Variants in CDAN1 observed in about 807,000 individuals in gnomAD.
The protein encoded by CDAN1 is codanin 1.
Under a neutral mutation model 139.8 loss-of-function variants are expected in CDAN1, and 107 were observed. The observed-to-expected ratio is 0.77, with a 90% confidence interval of 0.65 to 0.90. CDAN1 has a LOEUF of 0.90. Ranked by LOEUF, CDAN1 falls within the 40% of genes least tolerant of loss-of-function variation. CDAN1 has a pLI of 0.00. For synonymous variants in CDAN1, 776 were observed against 660.6 expected, an observed-to-expected ratio of 1.17 and a Z score of -2.68; for missense variants, 1,667 against 1,575.7, an observed-to-expected ratio of 1.06 and a Z score of -0.98.
chr15:42,734,927 A>G (rs375637087), intron 6 of CDAN1, among the ~76,000 whole-genome samples, 173 bp downstream of exon 6: 7 of 151,976 alleles, frequency 4.6e-5, no homozygotes, highest in East Asian at 3.9e-4. Flanking sequence ...CCCGATCTCA[A>G]TTCTTTCAGG....
rs1274180442 is a variant in CDAN1, at chr15:42,729,079, G to A, written c.2589C>T (p.Arg863=). Residue 863 remains arginine, a synonymous_variant, in exon 19 of 28, where the codon CGC becomes CGT. Coordinates refer to ENST00000356231, the MANE Select transcript of CDAN1 (RefSeq NM_138477.4). ...AFFHNQPPSL[R]RTVEFVAERI... ...TTTCTGCCACGAACTCTACGGTCCG[G>A]CGCAAGGAGGGCGGCTGGTTGTGGA... is the stretch of plus-strand genomic sequence containing the variant. 2 of 1,614,222 alleles carry A rather than the reference G, an allele frequency of 1.2e-6. No individual in the cohort carries two copies. Among genetic ancestry groups the A allele is most frequent in the East Asian group, 2.2e-5 (1 of 44,876 alleles).
At chr15:42,734,657 G>A (rs952474623) in intron 6 of CDAN1, among the ~76,000 whole-genome samples, 2 of 151,968 alleles carry the variant, frequency 1.3e-5, no homozygotes, top group Non-Finnish European at 2.9e-5. Flanking sequence ...AGGCTGGGCT[G>A]GGCGTCACCC....
At position 42,736,040 on chromosome 15, in the gene CDAN1, C is replaced by T. The variant is rs909865960; in HGVS notation, c.608G>A (p.Ser203Asn). 2 of 1,614,170 alleles carry T rather than the reference C, an allele frequency of 1.2e-6. No individual in the cohort carries two copies. The highest frequency in any genetic ancestry group is 3.3e-4 in the Middle Eastern group (2 of 6,062). Residue 203 changes from serine to asparagine, a missense_variant, in exon 3 of 28, where the codon AGC (serine) becomes AAC (asparagine). Around this residue, in one of 3 missense-constraint regions of CDAN1, gnomAD observed 487 missense variants for 422.2 expected, o/e 1.15. Coordinates refer to ENST00000356231, the MANE Select transcript of CDAN1 (RefSeq NM_138477.4). The stretch of plus-strand genomic sequence containing the variant: ...GGGCTTGGAGAGTGACCGCTCTTCG[C>T]TCACCGGAGTTGGGTTGATCCTGCG... The part of the protein sequence containing the change: ...PSRRINPTPV[S>N]EERSLSKPKT...
rs1436440080 is a variant in CDAN1 at position 42,732,416 on chromosome 15, A to T, written c.1458-8T>A. The T allele has an allele frequency of 5.6e-6, 9 of 1,613,116 alleles. No homozygotes were observed. The East Asian group carries it at 2.0e-4, about 36-fold the overall frequency. On this transcript the variant is annotated splice_polypyrimidine_tract_variant and splice_region_variant and intron_variant, in intron 9 of 27. Coordinates refer to ENST00000356231, the MANE Select transcript of CDAN1 (RefSeq NM_138477.4). Reference sequence around the variant, plus strand: ...AGCTGACCCATCATGGCCCTGAGGAATAGAAGGCAGGAATGAAGGGTGTGG... The same window carrying T: ...AGCTGACCCATCATGGCCCTGAGGATTAGAAGGCAGGAATGAAGGGTGTGG...
chr15:42,725,259 AC>A lies in CDAN1; in HGVS notation c.3451-9del. The A allele has an allele frequency of 6.2e-7, 1 of 1,613,290 alleles. No homozygotes were observed. The highest frequency in any genetic ancestry group is 8.5e-7 in the Non-Finnish European group (1 of 1,179,218). On this transcript the variant is annotated splice_polypyrimidine_tract_variant and intron_variant, in intron 26 of 27. Coordinates refer to ENST00000356231, the MANE Select transcript of CDAN1 (RefSeq NM_138477.4). ...GAATAGCAGCAAGTCCCACTGCAAA[AC>A]ACACCGAGGTCAGGGTTGCTAGGAG...
At position 42,733,672 on chromosome 15, in the gene CDAN1, A is replaced by C. The variant is rs78269839; in HGVS notation, c.1367+266T>G. On this transcript the variant is annotated intron_variant, in intron 8 of 27. Transcript: ENST00000356231. ...ACAGGCTTCATGTACTTCTGTGGGC[A>C]GTGACAGTTCATCCTGGCACACTCT... Among the ~76,000 whole-genome samples, 1,517 of 152,216 alleles carry C rather than the reference A, an allele frequency of 1.0e-2. 23 individuals carry two copies. Among genetic ancestry groups the C allele is most frequent in the African/African-American group, 0.035 (1,443 of 41,470 alleles).
In CDAN1 at chr15:42,731,682, G is replaced by GCAGGGCC; in HGVS notation, c.1670_1676dup (p.Cys559TrpfsTer16). On this transcript the variant is annotated frameshift_variant, in exon 11 of 28. Transcript: ENST00000356231. LOFTEE classifies it high-confidence loss of function. ...GACAGCCTGGGAAGGTGGGGGGTGG[G>GCAGGGCC]CAGGGCCCCCCACTGCTCTGAGGAG... The GCAGGGCC allele has an allele frequency of 6.2e-7, 1 of 1,614,066 alleles. No individual in the cohort carries two copies. The highest frequency in any genetic ancestry group is 1.7e-4 in the Middle Eastern group (1 of 6,038).
Position 42,728,205 on chromosome 15 carries a change from G to GCTGC in CDAN1, c.2863_2866dup (p.Ala956GlyfsTer49). 2 of 1,613,484 alleles carry GCTGC rather than the reference G, an allele frequency of 1.2e-6. No homozygotes were observed. The highest frequency in any genetic ancestry group is 1.3e-5 in the African/African-American group (1 of 75,054). On this transcript the variant is annotated frameshift_variant and splice_region_variant, in exon 21 of 28. Transcript: ENST00000356231. LOFTEE classifies it high-confidence loss of function. ...GCTGCAGGCCTCCCTCACACGTACG[G>GCTGC]CTGCCGGGGTCTCCTCTGGAAGCAG... is the stretch of plus-strand genomic sequence containing the variant.
At position 42,726,346 on chromosome 15, in the gene CDAN1, G is replaced by A; in HGVS notation, c.3168C>T (p.Leu1056=). The change falls in exon 24 of 28, where the codon CTC becomes CTT. Residue 1056 remains leucine, a synonymous_variant. Coordinates refer to ENST00000356231, the MANE Select transcript of CDAN1 (RefSeq NM_138477.4). ...EGVSPEHLEQ[L]LGQLGQTLRC... ...GCAGCGTCTGGCCCAGCTGGCCTAG[G>A]AGCTGTTCCAGATGCTCTGGGGAGA... The A allele has an allele frequency of 6.3e-7, 1 of 1,595,688 alleles. No individual in the cohort carries two copies. Among genetic ancestry groups the A allele is most frequent in the Non-Finnish European group, 8.5e-7 (1 of 1,171,296 alleles).
chr15:42,725,145 C>G lies in CDAN1; in HGVS notation c.3557G>C (p.Gly1186Ala), dbSNP rs903891747. 12 of 1,612,414 alleles carry G rather than the reference C, an allele frequency of 7.4e-6. No homozygotes were observed. The African/African-American group carries it at 1.5e-4, about 20-fold the overall frequency. The change falls in exon 27 of 28, where the codon GGG becomes GCG. Residue 1186 changes from glycine to alanine, a missense_variant and splice_region_variant. Physicochemically the swap from Gly to Ala is moderately conservative, Grantham distance 60. This residue lies in a region of CDAN1 where 936 missense variants were observed against 844.1 expected (regional missense o/e 1.11). Coordinates refer to ENST00000356231, the MANE Select transcript of CDAN1 (RefSeq NM_138477.4). ...CCTAAAAGACAGGAGACTCCTTACC[C>G]CTGGCCACTGGGCCTGGTGGAGGCT... is the stretch of plus-strand genomic sequence containing the variant. The part of the protein sequence containing the change: ...LGSLHQAQWP[G>A]DFAEELATLS...
At chr15:42,736,277 C>A (rs747949560) in intron 2 of CDAN1, 25 bp downstream of exon 2, 2 of 1,613,080 alleles carry the variant, frequency 1.2e-6, no homozygotes, top group Admixed American at 3.3e-5. Context: ...TGGTACCCAT[C>A]TCCTGCATGA....
rs1283288384 is a variant in CDAN1, at chr15:42,729,796, C to G, written c.2352G>C (p.Leu784Phe). The G allele has an allele frequency of 6.2e-7, 1 of 1,613,174 alleles. No homozygotes were observed. The change falls in exon 16 of 28, where the codon TTG becomes TTC. Residue 784 changes from leucine to phenylalanine, a missense_variant and splice_region_variant. Around this residue, in one of 3 missense-constraint regions of CDAN1, gnomAD observed 936 missense variants for 844.1 expected, o/e 1.11. Transcript: ENST00000356231. The stretch of plus-strand genomic sequence containing the variant: ...GCTCTGGCGGAACCCCAGCACTCAC[C>G]AAGCCATGCTCTGGGGCTACTGTGT... ...EVDTVAPEHG[L>F]DNAPVVDQQL...
intron 3 of CDAN1, 81 bp downstream of exon 3, chr15:42,735,794 A>C: frequency 6.3e-7 from 1 of 1,590,760 alleles, no homozygotes; most frequent in Non-Finnish European, 8.6e-7. Context: ...AGTCCCCAAG[A>C]GGGAAATCAA....
At chr15:42,728,522 G>A (rs1234947145) in intron 20 of CDAN1, 130 bp downstream of exon 20, 1 of 1,354,086 alleles carries the variant, frequency 7.4e-7, no homozygotes, top group East Asian at 2.3e-5. Context: ...GGCTTATAGA[G>A]AATGGGCGCA....
intron 11 of CDAN1, 85 bp from the exon 12 acceptor site, chr15:42,731,416 G>A (rs2061610148): frequency 2.5e-6 from 4 of 1,581,720 alleles, no homozygotes; most frequent in Admixed American, 1.7e-5. Context: ...CAGAGGGAAG[G>A]GAGCAGCAGG....
rs777259287 is a variant in CDAN1, at chr15:42,731,793, G to A, written c.1566C>T (p.Thr522=). 4.6e-5 allele frequency: 75 copies of A among 1,613,946 alleles called. No homozygotes were observed. Among genetic ancestry groups the A allele is most frequent in the Non-Finnish European group, 5.6e-5 (66 of 1,180,012 alleles). The change falls in exon 11 of 28, where the codon ACC becomes ACT. Residue 522 remains threonine (T), a synonymous_variant. Coordinates refer to ENST00000356231, the MANE Select transcript of CDAN1 (RefSeq NM_138477.4). ...MCQSPGGAGG[T]VLGEAPDVLS... ...ACACATCTGGGGCCTCGCCCAAGAC[G>A]GTGCCCCCAGCACCACCAGGGCTCT...
chr15:42,732,968 G>A, intron 9 of CDAN1, 129 bp downstream of exon 9: 1 of 775,614 alleles, frequency 1.3e-6, no homozygotes, highest in South Asian at 1.4e-5. Context: ...AGAGATTTCG[G>A]AGGATAGTAG....
chr15:42,733,163 CGCA>C lies in CDAN1; in HGVS notation c.1388_1390del (p.Leu463del). On this transcript the variant is annotated inframe_deletion, in exon 9 of 28. Transcript: ENST00000356231. ...CTCCTCATGGTGATCTTCCCACTCT[CGCA>C]GCACCTCATAAAACACATCCCTGAC... 1 of 1,614,096 alleles carries C rather than the reference CGCA, an allele frequency of 6.2e-7. No individual in the cohort carries two copies. The highest frequency in any genetic ancestry group is 8.5e-7 in the Non-Finnish European group (1 of 1,179,996).
intron 23 of CDAN1, 129 bp downstream of exon 23, chr15:42,727,492 C>T (rs544499778): frequency 4.3e-5 from 36 of 830,682 alleles, no homozygotes; most frequent in African/African-American, 2.6e-4. Flanking sequence ...ATGAGTGAAA[C>T]GGGGACTAGC....
Sources: gnomAD v4.1 joint callset for allele counts (sites outside exome capture counted in the v4.1 genomes callset) on GRCh38, gnomAD v4.1.1 for gene constraint, gnomAD v4.1.1 regional missense constraint, MANE v1.5 for transcripts, NCBI Gene and HGNC (gene_info 2026-07-23, HGNC 2026-07-21) for gene names.